Variants in ALDH1L1 observed in about 807,000 individuals in gnomAD.
ALDH1L1 encodes cytosolic 10-formyltetrahydrofolate dehydrogenase.
Under a neutral mutation model 101.1 loss-of-function variants are expected in ALDH1L1, and 68 were observed. The observed-to-expected ratio is 0.67, with a 90% CI of 0.55 to 0.82. ALDH1L1 has a LOEUF of 0.82. Among genes scored for constraint, ALDH1L1 ranks in the 40% least tolerant of loss-of-function variants. The probability of loss-of-function intolerance (pLI) is 0.00; values close to 1 mark genes in which losing one functional copy is unlikely to be tolerated. For missense variants in ALDH1L1, 1,087 were observed against 1,172.7 expected, an observed-to-expected ratio of 0.93 and a Z score of 1.07; for synonymous variants, 486 against 470.8, an observed-to-expected ratio of 1.03 and a Z score of -0.42.
intron 11 of ALDH1L1, among the ~76,000 whole-genome samples, chr3:126,136,094 C>T (rs948526610): frequency 6.6e-6 from 1 of 152,220 alleles, no homozygotes; most frequent in Non-Finnish European, 1.5e-5. Flanking sequence ...GTCCCAAGGG[C>T]ACCGCACTGT....
At position 126,115,556 on chromosome 3, in the gene ALDH1L1, TTTTG is replaced by T. The variant is rs1456364212; in HGVS notation, c.1983-904_1983-901del. The T allele has an allele frequency of 2.6e-4, 39 of 148,396 alleles. No individual in the cohort carries two copies. The East Asian group carries it at 4.2e-3, about 16-fold the overall frequency. 9.2% of individuals were successfully genotyped at this position (148,396 alleles called of 1,614,324 possible). A position where few individuals can be genotyped will look rare whatever the true frequency, so the allele number is the denominator to read the frequency against. ...TTCATAGCATGATTTCGTTTTTTAG[TTTTG>T]TTTGTTTGTTTTGTTTTGTTTTGTT... is the stretch of plus-strand genomic sequence containing the variant. On this transcript the variant is annotated intron_variant, in intron 17 of 22. Transcript: ENST00000393434.
rs1265924118 is a variant in ALDH1L1 at position 126,157,440 on chromosome 3, C to T, written c.431G>A (p.Gly144Glu). 6.2e-7 allele frequency: 1 copy of T among 1,614,034 alleles called. No homozygotes were observed. The highest frequency in any genetic ancestry group is 1.3e-5 in the African/African-American group (1 of 74,932). ...ACACTCCTTCTGCAGCAGCAGGTCT[C>T]CGGTGTCCAGACCATCATCCGCCCA... ...IFWADDGLDT[G>E]DLLLQKECEV... The change falls in exon 4 of 23, where the codon GGA (glycine) becomes GAA (glutamate). Residue 144 changes from glycine (G) to glutamate (E), a missense_variant. Physicochemically the swap from Gly to Glu is moderately conservative, Grantham distance 98. Transcript: ENST00000393434.
At position 126,110,337 on chromosome 3, in the gene ALDH1L1, T is replaced by C. The variant is rs376164200; in HGVS notation, c.2182-228A>G. On this transcript the variant is annotated intron_variant, in intron 19 of 22. Transcript: ENST00000393434. Reference sequence around the variant, plus strand: ...CCAAGGAGACAGGAGCCCAGCAACATATGGGCTGGAAATGGAGACATACAG... The same window carrying C: ...CCAAGGAGACAGGAGCCCAGCAACACATGGGCTGGAAATGGAGACATACAG... 1,329 of 583,434 alleles carry C rather than the reference T, an allele frequency of 2.3e-3. 25 individuals carry two copies. In the South Asian group the frequency reaches 0.028, roughly 12 times the overall value. The allele number at this position is 583,434 out of a possible 1,614,324, so 36.1% of individuals were successfully genotyped here.
chr3:126,174,482 C>A (rs1479518087), intron 1 of ALDH1L1, among the ~76,000 whole-genome samples: 2 of 152,212 alleles, frequency 1.3e-5, no homozygotes, highest in Non-Finnish European at 2.9e-5. Context: ...ATGGAATATT[C>A]ATCAAGACAG....
At chr3:126,115,922 G>C (rs914518740) in intron 17 of ALDH1L1, among the ~76,000 whole-genome samples, 2 of 151,906 alleles carry the variant, frequency 1.3e-5, no homozygotes. Flanking sequence ...GCCCAGGCTG[G>C]AGTACAGTGG....
At chr3:126,185,098 G>A (rs1439976909), upstream of ALDH1L1, among the ~76,000 whole-genome samples, 1 of 152,170 alleles carries the variant, frequency 6.6e-6, no homozygotes, top group Admixed American at 6.5e-5. Context: ...GGCGAAGGTA[G>A]GGATGAGACT....
intron 1 of ALDH1L1, among the ~76,000 whole-genome samples, chr3:126,176,730 T>C (rs972516044): frequency 4.6e-5 from 7 of 152,184 alleles, no homozygotes; most frequent in Non-Finnish European, 7.4e-5. Context: ...TTAGACCTTA[T>C]TAAAATTTAA....
chr3:126,114,773 C>A, intron 17 of ALDH1L1, 117 bp from the exon 18 acceptor site: 2 of 952,598 alleles, frequency 2.1e-6, no homozygotes, highest in Non-Finnish European at 3.4e-6. Context: ...AGAAGCAAGA[C>A]CCGGCCAGTG....
At chr3:126,114,791 A>ACCCCCCCCCCCCCCCCCCCCCCCCC in intron 17 of ALDH1L1, 135 bp from the exon 18 acceptor site, 1 of 600,068 alleles carries the variant, frequency 1.7e-6, no homozygotes, top group Non-Finnish European at 2.8e-6. Flanking sequence ...GTGCCTCCCC[A>ACCCCCCCCCCCCCCCCCCCCCCCCC]CTCCCCCCCA....
At chr3:126,131,183 G>A (rs1346446269) in intron 13 of ALDH1L1, among the ~76,000 whole-genome samples, 1 of 152,248 alleles carries the variant, frequency 6.6e-6, no homozygotes, top group Admixed American at 6.5e-5. Flanking sequence ...TTGGCCTTGT[G>A]AGACCTTGGC....
intron 17 of ALDH1L1, among the ~76,000 whole-genome samples, chr3:126,116,632 C>G (rs1409797070): frequency 6.6e-6 from 1 of 152,172 alleles, no homozygotes; most frequent in Non-Finnish European, 1.5e-5. Flanking sequence ...TGACTACTTG[C>G]AGTTACCCCA....
intron 19 of ALDH1L1, among the ~76,000 whole-genome samples, chr3:126,112,024 C>A (rs1178502200): frequency 6.6e-6 from 1 of 152,194 alleles, no homozygotes; most frequent in Admixed American, 6.5e-5. Flanking sequence ...GTGCCATCAG[C>A]CCCATACTCC....
chr3:126,128,151 A>G (rs2080225801), intron 14 of ALDH1L1, among the ~76,000 whole-genome samples: 1 of 152,172 alleles, frequency 6.6e-6, no homozygotes, highest in African/African-American at 2.4e-5. Flanking sequence ...TGTCAAGGGC[A>G]CTGGGAAGCC....
At chr3:126,190,527 C>A (rs911247801) in intron 1 of ALDH1L1, among the ~76,000 whole-genome samples, 1 of 152,164 alleles carries the variant, frequency 6.6e-6, no homozygotes, top group African/African-American at 2.4e-5. Context: ...TTTTGTTTTT[C>A]CAAATTGGTG....
Position 126,135,563 on chromosome 3 carries a change from C to A in ALDH1L1, c.1444G>T (p.Ala482Ser), listed in dbSNP as rs745728180. The A allele has an allele frequency of 6.2e-7, 1 of 1,607,154 alleles. No individual in the cohort carries two copies. The change falls in exon 12 of 23, where the codon GCG becomes TCG. Residue 482 changes from alanine to serine, a missense_variant. Ala to Ser is a moderately conservative substitution (Grantham distance 99). Transcript: ENST00000393434. Reference protein sequence around the residue: ...FENGRWGKISARDRGRLMYRL... With the variant: ...FENGRWGKISSRDRGRLMYRL... Reference sequence around the variant, plus strand: ...TACATCAGCCGGCCCCGGTCCCGCGCACTGATCTTCCCCCACCGTCCATTC... The same window carrying A: ...TACATCAGCCGGCCCCGGTCCCGCGAACTGATCTTCCCCCACCGTCCATTC...
intron 12 of ALDH1L1, 105 bp downstream of exon 12, chr3:126,135,430 C>G: frequency 6.7e-7 from 1 of 1,500,004 alleles, no homozygotes; most frequent in Non-Finnish European, 8.9e-7. Flanking sequence ...TCCCCAGGAC[C>G]CAGCTCCTCC....
chr3:126,112,753 C>A lies in ALDH1L1; in HGVS notation c.2181+29G>T, dbSNP rs201854113. On this transcript the variant is annotated intron_variant, in intron 19 of 22. Transcript: ENST00000393434. ...AGGCGCTGCTGTCCCAGTGAACCAG[C>A]CGCCCGCAGACCCTGGGGCAGGACT... 794 of 1,605,532 alleles carry A rather than the reference C, an allele frequency of 4.9e-4. 14 individuals carry two copies. In the East Asian group the frequency reaches 0.018, roughly 36 times the overall value.
chr3:126,117,908 G>C lies in ALDH1L1; in HGVS notation c.1982+97C>G, dbSNP rs1281575652. 4 of 1,222,534 alleles carry C rather than the reference G, an allele frequency of 3.3e-6. No homozygotes were observed. The African/African-American group carries it at 6.0e-5, about 18-fold the overall frequency. The allele number at this position is 1,222,534 out of a possible 1,614,324, so 75.7% of individuals were successfully genotyped here. On this transcript the variant is annotated intron_variant, in intron 17 of 22. Transcript: ENST00000393434. Reference sequence around the variant, plus strand: ...GGGCCACGGAAGTGGCTGTGCCCTGGAGCCTGGGAAGCAGGACACAGCTCC... The same window carrying C: ...GGGCCACGGAAGTGGCTGTGCCCTGCAGCCTGGGAAGCAGGACACAGCTCC...
chr3:126,133,025 G>A (rs1022229677), intron 12 of ALDH1L1, among the ~76,000 whole-genome samples: 2 of 152,206 alleles, frequency 1.3e-5, no homozygotes, highest in Admixed American at 6.5e-5. Context: ...CCTAGCGGCC[G>A]ATAGAGGACT....
Sources: allele counts gnomAD v4.1 joint callset (sites outside exome capture counted in the v4.1 genomes callset), GRCh38; gene constraint gnomAD v4.1.1; transcripts MANE v1.5; gene names NCBI Gene and HGNC (gene_info 2026-07-23, HGNC 2026-07-21).